The following PTPRZ1 variants were observed in gnomAD, a reference collection of about 807,000 sequenced individuals.
PTPRZ1 encodes receptor-type tyrosine-protein phosphatase zeta.
In PTPRZ1, 82 loss-of-function variants were observed where a neutral mutation model predicts 214.1. That is an observed-to-expected ratio of 0.38 (90% CI 0.32 to 0.46). The LOEUF is 0.46. Ranked by LOEUF, PTPRZ1 falls within the 20% of genes least tolerant of loss-of-function variation. PTPRZ1 has a pLI of 1.00. For synonymous variants in PTPRZ1, 945 were observed against 987.9 expected (o/e 0.96, Z 0.81); for missense variants, 2,603 against 2,748.7 (o/e 0.95, Z 1.19).
chr7:121,986,201 T>A (rs1469814302), intron 8 of PTPRZ1, among the ~76,000 whole-genome samples: 1 of 152,222 alleles, frequency 6.6e-6, no homozygotes, highest in Non-Finnish European at 1.5e-5. Flanking sequence ...ATATTTGACG[T>A]AGACCTCACT....
intron 1 of PTPRZ1, among the ~76,000 whole-genome samples, chr7:121,880,837 G>A (rs1423375679): frequency 1.3e-5 from 2 of 152,142 alleles, no homozygotes; most frequent in Admixed American, 6.6e-5. Context: ...TGTCTCAGCT[G>A]CTACACAGAG....
chr7:121,972,644 A>G lies in PTPRZ1; in HGVS notation c.408A>G (p.Ser136=). ...TTCACTGGGGAAAATGCAATATGTC[A>G]TCTGATGGATCAGAGCATAGTTTAG... The part of the protein sequence containing the change: ...ITFHWGKCNM[S]SDGSEHSLEG... Residue 136 remains serine, a synonymous_variant, in exon 4 of 30, where the codon TCA becomes TCG. Transcript: ENST00000393386. 3 of 1,613,534 alleles carry G rather than the reference A, an allele frequency of 1.9e-6. No individual in the cohort carries two copies. Among genetic ancestry groups the G allele is most frequent in the Non-Finnish European group, 2.5e-6 (3 of 1,179,688 alleles).
At chr7:121,964,350 T>A (rs560693462) in intron 2 of PTPRZ1, among the ~76,000 whole-genome samples, 1 of 152,180 alleles carries the variant, frequency 6.6e-6, no homozygotes, top group Non-Finnish European at 1.5e-5. Flanking sequence ...GAAGCAAATA[T>A]GTCTTTCTTC....
chr7:121,995,132 A>G (rs1798093641), intron 8 of PTPRZ1, among the ~76,000 whole-genome samples: 1 of 152,208 alleles, frequency 6.6e-6, no homozygotes, highest in Admixed American at 6.6e-5. Flanking sequence ...TTGTAAGACC[A>G]ATTGTTAGTT....
chr7:122,038,506 ATTCT>A (rs1799616632), intron 18 of PTPRZ1, among the ~76,000 whole-genome samples: 1 of 120,160 alleles, frequency 8.3e-6, no homozygotes, highest in Non-Finnish European at 1.7e-5. Context: ...AAAGAGAGCT[ATTCT>A]TTTTTTTTTT....
intron 2 of PTPRZ1, among the ~76,000 whole-genome samples, chr7:121,951,887 A>G (rs117846712): frequency 0.016 from 2,371 of 152,340 alleles, 19 homozygotes; most frequent in Non-Finnish European, 0.022. Context: ...AGACTGTTAG[A>G]GAATCTTCCC....
intron 1 of PTPRZ1, among the ~76,000 whole-genome samples, chr7:121,895,932 C>T (rs2116237224): frequency 6.6e-6 from 1 of 152,316 alleles, no homozygotes; most frequent in South Asian, 2.1e-4. Context: ...CCCTTTCTGC[C>T]CCTTGTCTGG....
chr7:121,909,071 A>G (rs1387807860), intron 1 of PTPRZ1: 2 of 401,202 alleles, frequency 5.0e-6, no homozygotes, highest in South Asian at 4.0e-5. Context: ...TCTACCTTCA[A>G]ATTAAACTTA....
At chr7:121,981,140 C>A (rs76097067) in intron 6 of PTPRZ1, among the ~76,000 whole-genome samples, 132 of 129,630 alleles carry the variant, frequency 1.0e-3, no homozygotes, top group East Asian at 1.1e-3. Flanking sequence ...GACTCCGTCT[C>A]AAAAAAAAAA....
rs191180475 is a variant in PTPRZ1 at position 121,977,625 on chromosome 7, A to G, written c.619+774A>G. 2.2e-3 allele frequency among the ~76,000 whole-genome samples: 330 copies of G among 152,232 alleles called. 1 individual carries two copies. Among genetic ancestry groups the G allele is most frequent in the African/African-American group, 7.4e-3 (308 of 41,564 alleles). ...CAGAAGCCTGGCCTAGGATTGATTT[A>G]TCATTGTCAATTACATGTGAGGATC... On this transcript the variant is annotated intron_variant, in intron 6 of 29. Coordinates refer to ENST00000393386, the MANE Select transcript of PTPRZ1 (RefSeq NM_002851.3).
chr7:121,973,663 G>A (rs889725248), intron 4 of PTPRZ1, among the ~76,000 whole-genome samples: 1 of 152,158 alleles, frequency 6.6e-6, no homozygotes, highest in East Asian at 1.9e-4. Flanking sequence ...GCCAGGCGCG[G>A]TGGCTCATGC....
chr7:121,983,079 A>G (rs1201711681), intron 6 of PTPRZ1, among the ~76,000 whole-genome samples: 1 of 152,084 alleles, frequency 6.6e-6, no homozygotes, highest in Non-Finnish European at 1.5e-5. Flanking sequence ...ATAATTTTCA[A>G]TGTTTTACAT....
chr7:121,919,409 T>C (rs1795524419), intron 1 of PTPRZ1, among the ~76,000 whole-genome samples: 1 of 152,122 alleles, frequency 6.6e-6, no homozygotes, highest in Non-Finnish European at 1.5e-5. Context: ...AATATTTGTT[T>C]AATGTATTTT....
intron 1 of PTPRZ1, among the ~76,000 whole-genome samples, chr7:121,919,786 G>A (rs1795536947): frequency 6.9e-6 from 1 of 144,804 alleles, no homozygotes; most frequent in Admixed American, 6.9e-5. Context: ...TGTTAGTGCT[G>A]TTTGCTTTTT....
At chr7:122,025,622 C>T (rs1050649968) in intron 13 of PTPRZ1, among the ~76,000 whole-genome samples, 9 of 152,120 alleles carry the variant, frequency 5.9e-5, no homozygotes, top group Admixed American at 2.0e-4. Context: ...TGAGCCACCA[C>T]GCCCAGCCAA....
Position 121,873,180 on chromosome 7 carries a change from C to G in PTPRZ1, c.-320C>G. The G allele has an allele frequency of 4.8e-6, 2 of 413,088 alleles. No individual in the cohort carries two copies. The highest frequency in any genetic ancestry group is 8.5e-6 in the Non-Finnish European group (2 of 234,836). The allele number at this position is 413,088 out of a possible 1,614,324, so 25.6% of individuals were successfully genotyped here. On this transcript the variant is annotated 5_prime_UTR_variant, in exon 1 of 30. Transcript: ENST00000393386. ...GCGCTCAGACCGCGGCCGCCGCAGCCGGCGAAAGAGGCAAAGTCCCGCACG... is the reference window on the plus strand; with the variant it reads ...GCGCTCAGACCGCGGCCGCCGCAGCGGGCGAAAGAGGCAAAGTCCCGCACG...
At chr7:121,975,681 C>A (rs1367084951) in intron 4 of PTPRZ1, among the ~76,000 whole-genome samples, 1 of 152,084 alleles carries the variant, frequency 6.6e-6, no homozygotes, top group East Asian at 1.9e-4. Flanking sequence ...TGGACTGAAG[C>A]AGAAATTAAC....
chr7:122,052,717 A>T (rs1393304942), intron 25 of PTPRZ1, among the ~76,000 whole-genome samples: 1 of 152,198 alleles, frequency 6.6e-6, no homozygotes, highest in African/African-American at 2.4e-5. Flanking sequence ...TTAATACAAT[A>T]GCTCTAGCTT....
chr7:121,982,262 T>G (rs1797635585), intron 6 of PTPRZ1, among the ~76,000 whole-genome samples: 1 of 152,230 alleles, frequency 6.6e-6, no homozygotes, highest in Admixed American at 6.5e-5. Flanking sequence ...CACAAATACC[T>G]CACTATCATA....
Sources: allele counts gnomAD v4.1 joint callset (sites outside exome capture counted in the v4.1 genomes callset), GRCh38; gene constraint gnomAD v4.1.1; transcripts MANE v1.5; gene names NCBI Gene and HGNC (gene_info 2026-07-23, HGNC 2026-07-21).